Variants in SH3GL2 observed in about 807,000 individuals in gnomAD.
The protein encoded by SH3GL2 is endophilin-A1.
A neutral mutation model predicts 46.0 loss-of-function variants in SH3GL2; 24 were observed. The observed-to-expected ratio is 0.52, with a 90% CI of 0.38 to 0.73. The LOEUF is 0.73. Among genes scored for constraint, SH3GL2 ranks in the 30% least tolerant of loss-of-function variants. The pLI, the probability that SH3GL2 is intolerant of heterozygous loss-of-function variation, is 0.00. For missense variants in SH3GL2, 413 were observed against 424.2 expected, an observed-to-expected ratio of 0.97 and a Z score of 0.23; for synonymous variants, 196 against 147.1, an observed-to-expected ratio of 1.33 and a Z score of -2.40.
At chr9:17,621,128 T>C (rs1016062890) in intron 1 of SH3GL2, among the ~76,000 whole-genome samples, 1 of 152,230 alleles carries the variant, frequency 6.6e-6, no homozygotes, top group African/African-American at 2.4e-5. Flanking sequence ...TCAATGCCTG[T>C]AGACAGCTTT....
chr9:17,763,641 G>C (rs568519511), intron 3 of SH3GL2, among the ~76,000 whole-genome samples: 1 of 152,350 alleles, frequency 6.6e-6, no homozygotes, highest in Non-Finnish European at 1.5e-5. Flanking sequence ...GCTGAACTGT[G>C]AGGGAATCAA....
At chr9:17,661,884 T>G (rs1290863537) in intron 1 of SH3GL2, among the ~76,000 whole-genome samples, 1 of 152,214 alleles carries the variant, frequency 6.6e-6, no homozygotes, top group East Asian at 1.9e-4. Context: ...GAATGTAAAA[T>G]GTGTGTTATA....
intron 2 of SH3GL2, among the ~76,000 whole-genome samples, chr9:17,749,749 A>G (rs967873716): frequency 6.6e-6 from 1 of 152,228 alleles, no homozygotes; most frequent in Non-Finnish European, 1.5e-5. Flanking sequence ...GGTGAGAAAT[A>G]TATGCCAGTT....
At chr9:17,713,073 G>A (rs1357149167) in intron 1 of SH3GL2, among the ~76,000 whole-genome samples, 1 of 144,178 alleles carries the variant, frequency 6.9e-6, no homozygotes, top group African/African-American at 2.5e-5. Flanking sequence ...AGTGTGCTGG[G>A]TTTTTTTTTT....
intron 1 of SH3GL2, among the ~76,000 whole-genome samples, chr9:17,729,967 A>T (rs926680896): frequency 7.2e-6 from 1 of 138,224 alleles, no homozygotes; most frequent in African/African-American, 3.0e-5. Flanking sequence ...TCCATATGAC[A>T]TTTAAAGTAG....
chr9:17,757,299 A>G (rs1042475622), intron 2 of SH3GL2, among the ~76,000 whole-genome samples: 2 of 152,242 alleles, frequency 1.3e-5, no homozygotes, highest in Non-Finnish European at 2.9e-5. Flanking sequence ...AAAAGCCAAA[A>G]TTGACAAATG....
intron 1 of SH3GL2, among the ~76,000 whole-genome samples, chr9:17,746,521 C>T (rs1822692242): frequency 6.6e-6 from 1 of 152,150 alleles, no homozygotes; most frequent in Non-Finnish European, 1.5e-5. Context: ...GGCTTATGTA[C>T]TTAAGGATGT....
At chr9:17,629,996 C>T (rs529556932) in intron 1 of SH3GL2, among the ~76,000 whole-genome samples, 10 of 152,158 alleles carry the variant, frequency 6.6e-5, no homozygotes, top group East Asian at 1.9e-4. Context: ...GTTAATGTGC[C>T]GTTCTTACTG....
intron 1 of SH3GL2, among the ~76,000 whole-genome samples, chr9:17,649,392 A>G (rs1398295103): frequency 2.0e-5 from 3 of 152,190 alleles, no homozygotes; most frequent in East Asian, 1.9e-4. Context: ...TAAAGGCACA[A>G]TTGAAACCAG....
In SH3GL2 at chr9:17,590,557, C is replaced by G. The variant is rs989015023; in HGVS notation, c.45+11270C>G. The G allele has an allele frequency of 5.3e-5, 8 of 152,262 alleles. No homozygotes were observed. In the East Asian group the frequency reaches 1.5e-3, roughly 29 times the overall value. 9.4% of individuals were successfully genotyped at this position (152,262 alleles called of 1,614,324 possible). ...TTTTGGGCCATTTGAAGCTGATAAA[C>G]CTAAAATCTTTGGATTTTTCACCTT... On this transcript the variant is annotated intron_variant, in intron 1 of 8. Transcript: ENST00000380607.
intron 1 of SH3GL2, among the ~76,000 whole-genome samples, chr9:17,671,528 A>T (rs1230887680): frequency 6.6e-6 from 1 of 152,150 alleles, no homozygotes; most frequent in Non-Finnish European, 1.5e-5. Context: ...GCTTGAGTGG[A>T]TGGATATTCT....
intron 1 of SH3GL2, among the ~76,000 whole-genome samples, chr9:17,709,680 T>TACACACACACACACACACACACAC (rs3837228): frequency 3.4e-5 from 5 of 148,164 alleles, no homozygotes; most frequent in African/African-American, 1.2e-4. Context: ...TTATTTGTAT[T>TACACACACACACACACACACACAC]ACACACACAC....
At chr9:17,730,980 T>C (rs1229928512) in intron 1 of SH3GL2, among the ~76,000 whole-genome samples, 1 of 152,154 alleles carries the variant, frequency 6.6e-6, no homozygotes, top group Non-Finnish European at 1.5e-5. Flanking sequence ...ATTAGCAGAT[T>C]TGGGACTTGA....
intron 7 of SH3GL2, among the ~76,000 whole-genome samples, chr9:17,792,444 C>T (rs1588341857): frequency 6.6e-6 from 1 of 152,256 alleles, no homozygotes; most frequent in East Asian, 1.9e-4. Context: ...TAAACCCTCG[C>T]CCTCCCTTGC....
In SH3GL2 at chr9:17,646,186, C is replaced by A. The variant is rs1051538390; in HGVS notation, c.45+66899C>A. Among the ~76,000 whole-genome samples, 12 of 151,766 alleles carry A rather than the reference C, an allele frequency of 7.9e-5. 1 individual carries two copies. Among genetic ancestry groups the A allele is most frequent in the Non-Finnish European group, 1.8e-4 (12 of 67,968 alleles). On this transcript the variant is annotated intron_variant, in intron 1 of 8. Transcript: ENST00000380607. ...ATTTGGCTATTGATGCTTGTGTATG[C>A]TTCACCAAGTTCTCGTGCTATGTTT...
intron 3 of SH3GL2, among the ~76,000 whole-genome samples, chr9:17,769,820 T>C (rs1823420774): frequency 1.3e-5 from 2 of 152,248 alleles, no homozygotes; most frequent in Admixed American, 1.3e-4. Flanking sequence ...GTCTGTCTTA[T>C]TTACTATTCG....
intron 1 of SH3GL2, among the ~76,000 whole-genome samples, chr9:17,592,020 G>C (rs181861437): frequency 4.2e-4 from 64 of 152,272 alleles, no homozygotes; most frequent in Admixed American, 3.5e-3. Context: ...TATGGGAATT[G>C]GCTCATGTGA....
intron 7 of SH3GL2, 73 bp from the exon 8 acceptor site, chr9:17,793,294 T>C (rs967648821): frequency 7.3e-7 from 1 of 1,365,684 alleles, no homozygotes; most frequent in Non-Finnish European, 1.0e-6. Context: ...ATTTCCTGAA[T>C]CTTTATATTT....
chr9:17,795,064 C>T (rs562530203), intron 8 of SH3GL2, among the ~76,000 whole-genome samples: 5 of 152,018 alleles, frequency 3.3e-5, no homozygotes, highest in African/African-American at 4.8e-5. Flanking sequence ...GAGTGATAAC[C>T]GAACTGTTAC....
Sources: gnomAD v4.1 joint callset for allele counts (sites outside exome capture counted in the v4.1 genomes callset) on GRCh38, gnomAD v4.1.1 for gene constraint, MANE v1.5 for transcripts, NCBI Gene and HGNC (gene_info 2026-07-23, HGNC 2026-07-21) for gene names.